Variants in LY9 observed in about 807,000 individuals in gnomAD.
LY9 encodes the protein T-lymphocyte surface antigen Ly-9.
In LY9, 59 loss-of-function variants were observed where a neutral mutation model predicts 64.6. The observed-to-expected ratio is 0.91, with a 90% CI of 0.74 to 1.13. The LOEUF is 1.13. LY9 is among the 50% of genes most tolerant of loss of function. The probability of loss-of-function intolerance (pLI) is 0.00; values close to 1 mark genes in which losing one functional copy is unlikely to be tolerated. For missense variants in LY9, 789 were observed against 797.2 expected, an observed-to-expected ratio of 0.99 and a Z score of 0.12; for synonymous variants, 281 against 308.5, an observed-to-expected ratio of 0.91 and a Z score of 0.93.
intron 1 of LY9, among the ~76,000 whole-genome samples, chr1:160,797,889 A>G (rs1181542419): frequency 6.7e-6 from 1 of 149,498 alleles, no homozygotes; most frequent in Non-Finnish European, 1.5e-5. Context: ...ACACACACAC[A>G]CGTATAGTGG....
At chr1:160,802,787 T>C (rs1666626674) in intron 2 of LY9, 1 of 467,042 alleles carries the variant, frequency 2.1e-6, no homozygotes, top group Non-Finnish European at 2.8e-6. Flanking sequence ...CAATTGGCTA[T>C]AAACCTGTGG....
chr1:160,816,538 G>GTGAC, intron 4 of LY9, 56 bp from the exon 5 acceptor site: 9 of 1,516,638 alleles, frequency 5.9e-6, no homozygotes, highest in Non-Finnish European at 8.0e-6. Context: ...ATGAAGACAG[G>GTGAC]TGACTGCTCA....
At position 160,814,513 on chromosome 1, in the gene LY9, G is replaced by A. The variant is rs148338202; in HGVS notation, c.824G>A (p.Arg275Gln). Reference protein sequence around the residue: ...VTLPLALPACRDTEKVVWLFN... With the variant: ...VTLPLALPACQDTEKVVWLFN... ...CTGCCACTTGCACTCCCAGCCTGCC[G>A]GGACACAGAGAAGGTTGTCTGGTTG... The change falls in exon 4 of 10, where the codon CGG (arginine) becomes CAG (glutamine). Residue 275 changes from arginine (R) to glutamine (Q), a missense_variant. Transcript: ENST00000263285. The A allele has an allele frequency of 4.5e-5, 73 of 1,613,990 alleles. No homozygotes were observed. Among genetic ancestry groups the A allele is most frequent in the African/African-American group, 3.1e-4 (23 of 74,872 alleles).
intron 3 of LY9, among the ~76,000 whole-genome samples, chr1:160,814,155 C>T (rs1164890514): frequency 3.9e-5 from 6 of 152,158 alleles, no homozygotes; most frequent in Non-Finnish European, 8.8e-5. Flanking sequence ...TACAGGAGTC[C>T]AGATTGGTCT....
chr1:160,817,933 T>C (rs558534353), intron 5 of LY9, among the ~76,000 whole-genome samples: 41 of 152,254 alleles, frequency 2.7e-4, no homozygotes, highest in African/African-American at 9.6e-4. Context: ...TTAAGGGCGC[T>C]GTAGGATCTG....
At position 160,818,329 on chromosome 1, in the gene LY9, C is replaced by A; in HGVS notation, c.1444+10C>A. 6.2e-7 allele frequency: 1 copy of A among 1,607,742 alleles called. No individual in the cohort carries two copies. The stretch of plus-strand genomic sequence containing the variant: ...AAGCGAAAAGGACGGTGTGAGTTTC[C>A]GAGATCAATGTTGTCCGCCAGTGCT... On this transcript the variant is annotated intron_variant, in intron 6 of 9. Coordinates refer to ENST00000263285, the MANE Select transcript of LY9 (RefSeq NM_002348.4).
chr1:160,816,816 C>T lies in LY9; in HGVS notation c.1295C>T (p.Pro432Leu). ...HPNLTCTASN[P>L]VSRSSHQFLS... ...AACCTCACATGCACAGCCAGCAACCCTGTCAGCAGGAGTTCCCACCAGTTT... is the reference window on the plus strand; with the variant it reads ...AACCTCACATGCACAGCCAGCAACCTTGTCAGCAGGAGTTCCCACCAGTTT... The change falls in exon 5 of 10, where the codon CCT becomes CTT. Residue 432 changes from proline to leucine, a missense_variant. Pro to Leu is a moderately conservative substitution (Grantham distance 98). Coordinates refer to ENST00000263285, the MANE Select transcript of LY9 (RefSeq NM_002348.4). 1.9e-6 allele frequency: 3 copies of T among 1,614,262 alleles called. No individual in the cohort carries two copies. The highest frequency in any genetic ancestry group is 1.7e-6 in the Non-Finnish European group (2 of 1,180,052).
intron 2 of LY9, chr1:160,802,094 T>G (rs1185876428): frequency 7.2e-7 from 1 of 1,379,794 alleles, no homozygotes; most frequent in Non-Finnish European, 9.4e-7. Context: ...CCATGGCACG[T>G]CGGGAACACC....
intron 7 of LY9, 54 bp from the exon 8 acceptor site, chr1:160,823,411 A>G: frequency 7.1e-7 from 1 of 1,404,594 alleles, no homozygotes; most frequent in South Asian, 1.3e-5. Flanking sequence ...GCAGCAAAGC[A>G]AGAAGAGAGG....
At chr1:160,804,664 A>G (rs2101757392) in intron 2 of LY9, among the ~76,000 whole-genome samples, 1 of 152,188 alleles carries the variant, frequency 6.6e-6, no homozygotes, top group Non-Finnish European at 1.5e-5. Context: ...GAGGATTGAT[A>G]TTAGTTATTA....
intron 9 of LY9, among the ~76,000 whole-genome samples, chr1:160,825,998 C>T (rs1668833053): frequency 1.3e-5 from 2 of 152,138 alleles, no homozygotes; most frequent in South Asian, 4.1e-4. Flanking sequence ...AATCAAAAAT[C>T]ATTCTATAAC....
chr1:160,823,755 G>A lies in LY9; in HGVS notation c.1789G>A (p.Val597Ile), dbSNP rs144157867. ...TPYVTEVESV[V>I]GENTMYAQVF... is the part of the protein sequence containing the mutation. ...ATATGTCACGGAAGTTGAGTCTGTGGTTGGAGAGAACACCATGTATGCACA... is the reference window on the plus strand; with the variant it reads ...ATATGTCACGGAAGTTGAGTCTGTGATTGGAGAGAACACCATGTATGCACA... Residue 597 changes from valine to isoleucine, a missense_variant, in exon 8 of 10, where the codon GTT becomes ATT. Transcript: ENST00000263285. 2 of 1,614,158 alleles carry A rather than the reference G, an allele frequency of 1.2e-6. No homozygotes were observed. The highest frequency in any genetic ancestry group is 1.7e-6 in the Non-Finnish European group (2 of 1,180,000).
chr1:160,816,985 T>C (rs1668011476), intron 5 of LY9, 122 bp downstream of exon 5: 1 of 887,962 alleles, frequency 1.1e-6, no homozygotes, highest in East Asian at 2.5e-5. Flanking sequence ...TAGAGTGGCA[T>C]GCTTCCACAG....
intron 2 of LY9, chr1:160,810,292 T>G (rs1667366985): frequency 1.3e-5 from 2 of 152,228 alleles, no homozygotes. Flanking sequence ...TATCCCAGAA[T>G]AGATGGCTTA....
intron 2 of LY9, chr1:160,811,144 C>T (rs1667439146): frequency 6.6e-6 from 1 of 152,276 alleles, no homozygotes; most frequent in Admixed American, 6.5e-5. Flanking sequence ...GCCCTCTAGG[C>T]CTATGGTGGC....
At chr1:160,802,384 G>A (rs1666581137) in intron 2 of LY9, 1 of 987,836 alleles carries the variant, frequency 1.0e-6, no homozygotes, top group Non-Finnish European at 1.2e-6. Flanking sequence ...AGCCAGGCCT[G>A]GCTCAGCCCA....
Position 160,820,697 on chromosome 1 carries a change from A to G in LY9, c.1498+1323A>G, listed in dbSNP as rs141213786. On this transcript the variant is annotated intron_variant, in intron 7 of 9. Coordinates refer to ENST00000263285, the MANE Select transcript of LY9 (RefSeq NM_002348.4). ...AGGGTAAAGAGATGTTGGGGCCACC[A>G]CCACCTCCCTACCTCTTCTCTCCCC... 2.9e-3 allele frequency among the ~76,000 whole-genome samples: 442 copies of G among 152,072 alleles called. 2 individuals are homozygous for G. Among genetic ancestry groups the G allele is most frequent in the African/African-American group, 0.01 (424 of 41,462 alleles).
chr1:160,800,850 T>A (rs1003165030), intron 2 of LY9, among the ~76,000 whole-genome samples: 3 of 152,266 alleles, frequency 2.0e-5, no homozygotes, highest in African/African-American at 7.2e-5. Context: ...TCCAGTTTCA[T>A]CCATGGTGCT....
intron 3 of LY9, 144 bp downstream of exon 3, chr1:160,814,055 A>G: frequency 1.1e-6 from 1 of 871,816 alleles, no homozygotes; most frequent in East Asian, 2.5e-5. Flanking sequence ...CTCTACTCTC[A>G]GGGACATGAC....
Sources: gnomAD v4.1 joint callset for allele counts (sites outside exome capture counted in the v4.1 genomes callset) on GRCh38, gnomAD v4.1.1 for gene constraint, MANE v1.5 for transcripts, NCBI Gene and HGNC (gene_info 2026-07-23, HGNC 2026-07-21) for gene names.